EDIL3: variants seen among roughly 807,000 people sequenced by gnomAD.
EDIL3 encodes EGF like and discoidin domains 3.
A neutral mutation model predicts 67.4 loss-of-function variants in EDIL3; 37 were observed. The ratio of observed to expected loss-of-function variants is 0.55; its 90% CI spans 0.42 to 0.72. The LOEUF (loss-of-function observed/expected upper bound fraction) is 0.72. Ranked by LOEUF, EDIL3 falls within the 30% of genes least tolerant of loss-of-function variation. The pLI is 0.00. For synonymous variants in EDIL3, 195 were observed against 196.3 expected (o/e 0.99, Z 0.05); for missense variants, 527 against 586.3 (o/e 0.90, Z 1.04).
intron 10 of EDIL3, among the ~76,000 whole-genome samples, chr5:83,944,795 C>CTTGT (rs2112110670): frequency 6.6e-6 from 1 of 151,850 alleles, no homozygotes; most frequent in East Asian, 2.0e-4. Flanking sequence ...AATTTTCTTT[C>CTTGT]TTGTTTGACA....
chr5:84,315,937 G>T (rs550680283), intron 1 of EDIL3, among the ~76,000 whole-genome samples: 1 of 152,308 alleles, frequency 6.6e-6, no homozygotes, highest in Admixed American at 6.5e-5. Context: ...CATGCCAGAA[G>T]AGAGTGGGGG....
intron 4 of EDIL3, among the ~76,000 whole-genome samples, chr5:84,150,895 G>C (rs1748377711): frequency 6.6e-6 from 1 of 152,054 alleles, no homozygotes; most frequent in African/African-American, 2.4e-5. Context: ...AAATAGTTAT[G>C]CTGAGTGAAA....
intron 9 of EDIL3, among the ~76,000 whole-genome samples, chr5:83,990,593 T>C (rs1332029641): frequency 6.7e-6 from 1 of 148,850 alleles, no homozygotes; most frequent in Non-Finnish European, 1.5e-5. Context: ...GTAAAGAAAA[T>C]GGGTTGGCCG....
intron 10 of EDIL3, among the ~76,000 whole-genome samples, chr5:83,950,615 T>C (rs143078693): frequency 3.2e-4 from 48 of 152,008 alleles, no homozygotes; most frequent in African/African-American, 1.1e-3. Context: ...CTTTCTAAAC[T>C]TTCTACTGTT....
intron 1 of EDIL3, among the ~76,000 whole-genome samples, chr5:84,337,152 T>C (rs1337714698): frequency 6.6e-6 from 1 of 152,178 alleles, no homozygotes; most frequent in Non-Finnish European, 1.5e-5. Flanking sequence ...CTTTTCCAAA[T>C]TCATTGAAAA....
At chr5:84,342,792 G>C (rs1747151000) in intron 1 of EDIL3, among the ~76,000 whole-genome samples, 1 of 151,850 alleles carries the variant, frequency 6.6e-6, no homozygotes, top group Non-Finnish European at 1.5e-5. Flanking sequence ...TCTATTTTTT[G>C]AACACAGAAC....
At chr5:84,171,735 C>T (rs1206442248) in intron 4 of EDIL3, among the ~76,000 whole-genome samples, 1 of 152,180 alleles carries the variant, frequency 6.6e-6, no homozygotes, top group East Asian at 1.9e-4. Context: ...TAACCCTTCA[C>T]ATATGGTTCT....
At chr5:84,155,374 T>C (rs1169003461) in intron 4 of EDIL3, among the ~76,000 whole-genome samples, 4 of 152,216 alleles carry the variant, frequency 2.6e-5, no homozygotes, top group Non-Finnish European at 4.4e-5. Context: ...TGAGTTAACC[T>C]GTTACATCTC....
chr5:84,359,311 C>T (rs559037143), intron 1 of EDIL3, among the ~76,000 whole-genome samples: 39 of 152,292 alleles, frequency 2.6e-4, no homozygotes, highest in African/African-American at 8.2e-4. Flanking sequence ...ATTTGCCCAA[C>T]ATTTGGTCAG....
At chr5:84,065,832 T>A (rs554566118) in intron 7 of EDIL3, among the ~76,000 whole-genome samples, 1 of 152,152 alleles carries the variant, frequency 6.6e-6, no homozygotes, top group East Asian at 1.9e-4. Flanking sequence ...AGTGCGTTAA[T>A]CAGCCGGGCG....
intron 1 of EDIL3, among the ~76,000 whole-genome samples, chr5:84,306,723 T>C (rs1276726521): frequency 3.9e-5 from 6 of 152,232 alleles, no homozygotes; most frequent in Non-Finnish European, 7.3e-5. Flanking sequence ...TTTAGAGTTG[T>C]AAAGCATGCC....
chr5:84,321,049 C>A (rs1231785817), intron 1 of EDIL3, among the ~76,000 whole-genome samples: 3 of 152,044 alleles, frequency 2.0e-5, no homozygotes, highest in Admixed American at 2.0e-4. Context: ...ATATTGTGAT[C>A]TGATTTTCAA....
intron 1 of EDIL3, among the ~76,000 whole-genome samples, chr5:84,274,351 C>T (rs968975162): frequency 6.6e-6 from 1 of 152,144 alleles, no homozygotes; most frequent in Admixed American, 6.5e-5. Context: ...ATCCTCCCAC[C>T]TTGGCCTCCA....
chr5:84,354,348 T>G (rs1747428357), intron 1 of EDIL3, among the ~76,000 whole-genome samples: 1 of 152,098 alleles, frequency 6.6e-6, no homozygotes, highest in Admixed American at 6.6e-5. Context: ...TGACCATAAA[T>G]AGCTATCCTA....
At chr5:84,233,950 T>C (rs1744631042) in intron 2 of EDIL3, among the ~76,000 whole-genome samples, 2 of 152,176 alleles carry the variant, frequency 1.3e-5, no homozygotes, top group Admixed American at 6.5e-5. Context: ...GTTGAGCCAC[T>C]GAATCATATC....
chr5:84,042,160 A>G (rs1309188732), intron 9 of EDIL3, among the ~76,000 whole-genome samples: 4 of 152,214 alleles, frequency 2.6e-5, no homozygotes, highest in Admixed American at 6.5e-5. Flanking sequence ...TATCATAAAA[A>G]TAGAAATTAA....
chr5:83,968,818 CG>C (rs1744741156), intron 9 of EDIL3, among the ~76,000 whole-genome samples: 1 of 151,780 alleles, frequency 6.6e-6, no homozygotes, highest in Non-Finnish European at 1.5e-5. Flanking sequence ...TTCAACTGCA[CG>C]TTTTTCACTG....
At chr5:84,048,184 A>T in intron 9 of EDIL3, 1 of 406,306 alleles carries the variant, frequency 2.5e-6, no homozygotes, top group Non-Finnish European at 4.8e-6. Flanking sequence ...TGGAACTGTG[A>T]TTTGGAAATC....
Position 84,164,936 on chromosome 5 carries a change from G to C in EDIL3, c.355+15457C>G, listed in dbSNP as rs375231247. Reference sequence around the variant, plus strand: ...GATCTGGGCCTGGCATTATCGATGAGCGATAAGGGCAAGGGCTTTCCAGGC... The same window carrying C: ...GATCTGGGCCTGGCATTATCGATGACCGATAAGGGCAAGGGCTTTCCAGGC... On this transcript the variant is annotated intron_variant, in intron 4 of 10. Coordinates refer to ENST00000296591, the MANE Select transcript of EDIL3 (RefSeq NM_005711.5). Among the ~76,000 whole-genome samples the C allele has an allele frequency of 8.5e-5, 13 of 152,100 alleles. 1 individual carries two copies. Among genetic ancestry groups the C allele is most frequent in the East Asian group, 5.8e-4 (3 of 5,196 alleles).
Sources: allele counts gnomAD v4.1 joint callset (sites outside exome capture counted in the v4.1 genomes callset), GRCh38; gene constraint gnomAD v4.1.1; transcripts MANE v1.5; gene names NCBI Gene and HGNC (gene_info 2026-07-23, HGNC 2026-07-21).